SLC38A1: variants seen among roughly 807,000 people sequenced by gnomAD.
SLC38A1 encodes sodium-coupled neutral amino acid symporter 1.
A neutral mutation model predicts 60.3 loss-of-function variants in SLC38A1; 18 were observed. The observed-to-expected ratio is 0.30, with a 90% confidence interval of 0.21 to 0.44. The LOEUF (loss-of-function observed/expected upper bound fraction) is 0.44. Among genes scored for constraint, SLC38A1 ranks in the 20% least tolerant of loss-of-function variants. SLC38A1 has a pLI of 1.00. For missense variants in SLC38A1, 448 were observed against 587.2 expected (o/e 0.76, Z 2.45); for synonymous variants, 196 against 212.1 (o/e 0.92, Z 0.66).
At chr12:46,231,716 T>C (rs1185043072) in intron 3 of SLC38A1, among the ~76,000 whole-genome samples, 1 of 152,222 alleles carries the variant, frequency 6.6e-6, no homozygotes, top group Non-Finnish European at 1.5e-5. Context: ...AGTGCAGTTG[T>C]ACAATCTCCA....
At chr12:46,241,149 G>A (rs1941431950) in intron 2 of SLC38A1, among the ~76,000 whole-genome samples, 1 of 151,988 alleles carries the variant, frequency 6.6e-6, no homozygotes, top group Non-Finnish European at 1.5e-5. Flanking sequence ...TCAATGAGCT[G>A]GTTTTTTTTA....
intron 12 of SLC38A1, among the ~76,000 whole-genome samples, chr12:46,201,539 C>A (rs540716903): frequency 2.5e-4 from 38 of 152,198 alleles, no homozygotes; most frequent in African/African-American, 8.9e-4. Context: ...AGAAAAAAAT[C>A]AATGCTGTTC....
At chr12:46,255,866 T>C (rs1215242738) in intron 1 of SLC38A1, among the ~76,000 whole-genome samples, 2 of 151,958 alleles carry the variant, frequency 1.3e-5, no homozygotes, top group Non-Finnish European at 2.9e-5. Context: ...AACTGAACAA[T>C]TTTCAAAAGT....
intron 1 of SLC38A1, among the ~76,000 whole-genome samples, chr12:46,265,906 A>C (rs1942335230): frequency 6.6e-6 from 1 of 152,154 alleles, no homozygotes; most frequent in Admixed American, 6.6e-5. Context: ...TATGTCTCCA[A>C]GTCTAGGTAA....
intron 5 of SLC38A1, among the ~76,000 whole-genome samples, chr12:46,212,555 A>G (rs1174880740): frequency 2.6e-5 from 4 of 152,190 alleles, no homozygotes; most frequent in Admixed American, 2.6e-4. Flanking sequence ...AGGGGTGGCA[A>G]GAGAGTTAGA....
chr12:46,203,132 C>T, intron 11 of SLC38A1, 43 bp from the exon 12 acceptor site: 1 of 1,508,540 alleles, frequency 6.6e-7, no homozygotes, highest in Non-Finnish European at 9.2e-7. Context: ...AACACTTTTA[C>T]CATAAAAAGG....
intron 5 of SLC38A1, among the ~76,000 whole-genome samples, chr12:46,223,892 C>A (rs1940760936): frequency 6.6e-6 from 1 of 152,154 alleles, no homozygotes; most frequent in Admixed American, 6.5e-5. Flanking sequence ...TTATCAGATT[C>A]TGTGTAGTGT....
At chr12:46,257,503 T>A (rs1001953478) in intron 1 of SLC38A1, among the ~76,000 whole-genome samples, 34 of 152,202 alleles carry the variant, frequency 2.2e-4, no homozygotes, top group African/African-American at 7.2e-4. Context: ...TTTACCCAGG[T>A]ACCCCACCAC....
chr12:46,230,502 T>C (rs1941034020), intron 3 of SLC38A1, among the ~76,000 whole-genome samples: 1 of 152,138 alleles, frequency 6.6e-6, no homozygotes, highest in Admixed American at 6.5e-5. Context: ...TCTTATCAAG[T>C]TATTGGGAGA....
chr12:46,223,479 C>CA (rs879299135), intron 5 of SLC38A1, among the ~76,000 whole-genome samples: 2 of 151,480 alleles, frequency 1.3e-5, no homozygotes, highest in African/African-American at 4.9e-5. Flanking sequence ...CACACACACA[C>CA]CCCACTCATT....
intron 5 of SLC38A1, among the ~76,000 whole-genome samples, chr12:46,227,909 G>A (rs1412266208): frequency 6.6e-6 from 1 of 152,176 alleles, no homozygotes; most frequent in Non-Finnish European, 1.5e-5. Context: ...AAAACCAGAA[G>A]TGTAGCTCCT....
At chr12:46,265,586 A>G (rs1168914073) in intron 1 of SLC38A1, among the ~76,000 whole-genome samples, 1 of 152,218 alleles carries the variant, frequency 6.6e-6, no homozygotes, top group Non-Finnish European at 1.5e-5. Flanking sequence ...GAGAAGGCAG[A>G]TTGTGAAGGG....
At chr12:46,216,070 T>C (rs1191404087) in intron 5 of SLC38A1, among the ~76,000 whole-genome samples, 4 of 152,144 alleles carry the variant, frequency 2.6e-5, no homozygotes, top group African/African-American at 9.7e-5. Flanking sequence ...CTTTCTGCTA[T>C]TGCTGGCCTC....
chr12:46,189,627 TG>T (rs1939061078), intron 16 of SLC38A1, among the ~76,000 whole-genome samples: 2 of 152,218 alleles, frequency 1.3e-5, no homozygotes, highest in African/African-American at 2.4e-5. Flanking sequence ...GGTTTGGCTG[TG>T]TCCCTACCCA....
intron 3 of SLC38A1, among the ~76,000 whole-genome samples, chr12:46,230,809 C>T (rs975514014): frequency 2.0e-5 from 3 of 152,096 alleles, no homozygotes; most frequent in South Asian, 2.1e-4. Flanking sequence ...CAGATGTTGG[C>T]GAGGATGTGG....
At chr12:46,233,766 G>A (rs1222543263) in intron 3 of SLC38A1, among the ~76,000 whole-genome samples, 1 of 152,184 alleles carries the variant, frequency 6.6e-6, no homozygotes, top group Admixed American at 6.5e-5. Flanking sequence ...TTTGTAGAGT[G>A]TCTCCTTGGT....
At chr12:46,210,691 T>G (rs75457837) in intron 5 of SLC38A1, among the ~76,000 whole-genome samples, 1 of 152,096 alleles carries the variant, frequency 6.6e-6, no homozygotes, top group African/African-American at 2.4e-5. Context: ...TCTCATAAGA[T>G]CTGATGGTTT....
chr12:46,202,993 T>C lies in SLC38A1; in HGVS notation c.902+17A>G, dbSNP rs977523571. 3.7e-6 allele frequency: 6 copies of C among 1,601,830 alleles called. No homozygotes were observed. Among genetic ancestry groups the C allele is most frequent in the Non-Finnish European group, 5.1e-6 (6 of 1,170,882 alleles). ...GATGTAAAACGATTAAGATAAAAAA[T>C]TAAACAAATTTCTTACTCTTTAAGC... On this transcript the variant is annotated intron_variant, in intron 12 of 16. Transcript: ENST00000398637.
In SLC38A1 at chr12:46,183,379, T is replaced by C. The variant is rs1444504776; in HGVS notation, c.*5591A>G. 3 of 152,178 alleles carry C rather than the reference T, an allele frequency of 2.0e-5. No homozygotes were observed. The highest frequency in any genetic ancestry group is 7.2e-5 in the African/African-American group (3 of 41,468). 9.4% of individuals were successfully genotyped at this position (152,178 alleles called of 1,614,324 possible). A position where few individuals can be genotyped will look rare whatever the true frequency, so the allele number is the denominator to read the frequency against. ...AGATTCAAGTGTTTGGGGAAAAAAA[T>C]ACCTTAGACAGTCTATGTTGGCGTC... On this transcript the variant is annotated 3_prime_UTR_variant, in exon 17 of 17. Coordinates refer to ENST00000398637, the MANE Select transcript of SLC38A1 (RefSeq NM_030674.4).
Sources: gnomAD v4.1 joint callset for allele counts (sites outside exome capture counted in the v4.1 genomes callset) on GRCh38, gnomAD v4.1.1 for gene constraint, MANE v1.5 for transcripts, NCBI Gene and HGNC (gene_info 2026-07-23, HGNC 2026-07-21) for gene names.